The following PTPRS variants were observed in gnomAD, a reference collection of about 807,000 sequenced individuals.
PTPRS encodes the protein receptor-type tyrosine-protein phosphatase S.
In PTPRS, 63 loss-of-function variants were observed where a neutral mutation model predicts 215.3. The ratio of observed to expected loss-of-function variants is 0.29; its 90% CI spans 0.24 to 0.36. The LOEUF (loss-of-function observed/expected upper bound fraction) is 0.36, where lower values mean the gene tolerates loss of function less well. Among genes scored for constraint, PTPRS ranks in the 10% least tolerant of loss-of-function variants. PTPRS has a pLI of 1.00. For missense variants in PTPRS, 2,258 were observed against 2,825.8 expected, an observed-to-expected ratio of 0.80 and a Z score of 4.56; for synonymous variants, 1,404 against 1,191.4, an observed-to-expected ratio of 1.18 and a Z score of -3.68.
At chr19:5,324,552 A>G (rs1600127503) in intron 1 of PTPRS, among the ~76,000 whole-genome samples, 2 of 152,098 alleles carry the variant, frequency 1.3e-5, no homozygotes, top group African/African-American at 4.8e-5. Context: ...GGAGGAGGAG[A>G]GGAGAAGGAG....
At chr19:5,260,761 G>A in intron 7 of PTPRS, 44 bp downstream of exon 7, 7 of 1,611,848 alleles carry the variant, frequency 4.3e-6, no homozygotes, top group Non-Finnish European at 5.9e-6. Flanking sequence ...TGAGTGGGCA[G>A]CAAGAGCGAG....
At chr19:5,316,356 C>T (rs1275680450) in intron 1 of PTPRS, among the ~76,000 whole-genome samples, 2 of 152,192 alleles carry the variant, frequency 1.3e-5, no homozygotes, top group African/African-American at 4.8e-5. Flanking sequence ...TCCTGAATGC[C>T]TCTTGCCCCA....
intron 1 of PTPRS, among the ~76,000 whole-genome samples, chr19:5,334,865 G>A (rs892121078): frequency 1.3e-5 from 2 of 152,130 alleles, no homozygotes; most frequent in Non-Finnish European, 2.9e-5. Flanking sequence ...GACAGGGGAC[G>A]GCAGGTTGGA....
chr19:5,263,590 G>A lies in PTPRS; in HGVS notation c.569-618C>T, dbSNP rs550210552. Among the ~76,000 whole-genome samples the A allele has an allele frequency of 1.2e-3, 185 of 152,346 alleles. 1 individual carries two copies. Among genetic ancestry groups the A allele is most frequent in the African/African-American group, 3.9e-3 (163 of 41,576 alleles). ...GGGTGATCTCAACAGTGACCTGAACGAAGGCAGGGCGTCAAGCCCGGCACA... is the reference window on the plus strand; with the variant it reads ...GGGTGATCTCAACAGTGACCTGAACAAAGGCAGGGCGTCAAGCCCGGCACA... On this transcript the variant is annotated intron_variant, in intron 5 of 37. Coordinates refer to ENST00000262963, the MANE Select transcript of PTPRS (RefSeq NM_002850.4).
intron 16 of PTPRS, 151 bp from the exon 17 acceptor site, chr19:5,225,995 G>T: frequency 1.5e-6 from 1 of 663,078 alleles, no homozygotes; most frequent in Non-Finnish European, 2.7e-6. Context: ...ACCACGACAC[G>T]TGGCATGGCC....
At chr19:5,296,524 A>G (rs2049138184) in intron 1 of PTPRS, among the ~76,000 whole-genome samples, 1 of 151,980 alleles carries the variant, frequency 6.6e-6, no homozygotes, top group Admixed American at 6.6e-5. Context: ...AATAAAATAA[A>G]CACAGGATAG....
In PTPRS at chr19:5,208,242, G is replaced by C. The variant is rs1458294662; in HGVS notation, c.5637C>G (p.His1879Gln). 1 of 1,597,924 alleles carries C rather than the reference G, an allele frequency of 6.3e-7. No homozygotes were observed. Among genetic ancestry groups the C allele is most frequent in the African/African-American group, 1.3e-5 (1 of 74,716 alleles). The change falls in exon 36 of 38, where the codon CAC becomes CAG. Residue 1879 changes from histidine to glutamine, a missense_variant. By Grantham distance (24) the His-to-Gln change is conservative. This residue lies in a region of PTPRS where 89 missense variants were observed against 104.0 expected (regional missense o/e 0.86). Coordinates refer to ENST00000262963, the MANE Select transcript of PTPRS (RefSeq NM_002850.4). ...GGACACTCGAGGGAGCTCACCTGCA[G>C]TGGACAGAGATGGGGCCGTCCTGGC... ...QFGQDGPISV[H>Q]CSAGVGRTGV...
rs1600048473 is a variant in PTPRS at position 5,293,612 on chromosome 19, C to G, written c.-94-7378G>C. 6.6e-6 allele frequency among the ~76,000 whole-genome samples: 1 copy of G among 152,102 alleles called. No individual in the cohort carries two copies. The highest frequency in any genetic ancestry group is 1.9e-4 in the East Asian group (1 of 5,148). ...GGAGGCTGGATGCCGGACAGGGCGG[C>G]GGAGGGCTCCCCAAACACACCCAAC... On this transcript the variant is annotated intron_variant, in intron 1 of 37. Coordinates refer to ENST00000262963, the MANE Select transcript of PTPRS (RefSeq NM_002850.4). This position sits in a 1 kb window ranked among gnomAD's most constrained non-coding sequence, Gnocchi z 8.4.
chr19:5,282,475 T>C (rs1200234933), intron 2 of PTPRS, among the ~76,000 whole-genome samples: 1 of 152,144 alleles, frequency 6.6e-6, no homozygotes, highest in Non-Finnish European at 1.5e-5. Context: ...TGCTAAGCTT[T>C]ATGCCTGTGG....
At chr19:5,243,340 T>C (rs2044209324) in intron 11 of PTPRS, among the ~76,000 whole-genome samples, 1 of 151,784 alleles carries the variant, frequency 6.6e-6, no homozygotes, top group African/African-American at 2.4e-5. Flanking sequence ...TTCACGGTGT[T>C]GGCCAGGCTG....
chr19:5,249,500 T>G (rs1003610782), intron 9 of PTPRS, among the ~76,000 whole-genome samples: 14 of 152,150 alleles, frequency 9.2e-5, no homozygotes, highest in African/African-American at 2.7e-4. Flanking sequence ...AGAAAGGAAG[T>G]AGTGTAGCCA....
At chr19:5,228,361 A>AAAAAAAAAAAAAAAAAAG (rs1555757601) in intron 16 of PTPRS, among the ~76,000 whole-genome samples, 24 of 144,042 alleles carry the variant, frequency 1.7e-4, no homozygotes, top group African/African-American at 6.3e-4. Flanking sequence ...AAAAAAAAAA[A>AAAAAAAAAAAAAAAAAAG]AAGAGACAGG....
Position 5,212,416 on chromosome 19 carries a change from G to T in PTPRS, c.4690C>A (p.Pro1564Thr). Reference protein sequence around the residue: ...AWPDHGVPEYPTPFLAFLRRV... With the variant: ...AWPDHGVPEYTTPFLAFLRRV... ...CGCAGGAAAGCCAGGAAGGGCGTTG[G>T]GTATTCGGGCACGCCATGGTCCGGC... The change falls in exon 31 of 38, where the codon CCA becomes ACA. Residue 1564 changes from proline to threonine, a missense_variant. Around this residue, in one of 6 missense-constraint regions of PTPRS, gnomAD observed 927 missense variants for 1,125.9 expected, o/e 0.82. Coordinates refer to ENST00000262963, the MANE Select transcript of PTPRS (RefSeq NM_002850.4). 6.2e-7 allele frequency: 1 copy of T among 1,604,400 alleles called. No homozygotes were observed. The highest frequency in any genetic ancestry group is 8.5e-7 in the Non-Finnish European group (1 of 1,175,488).
At chr19:5,228,361 A>AAAAAAAAAAAAAAAAAAAAAAAAAG (rs1555757601) in intron 16 of PTPRS, among the ~76,000 whole-genome samples, 1 of 143,968 alleles carries the variant, frequency 6.9e-6, no homozygotes, top group African/African-American at 2.6e-5. Context: ...AAAAAAAAAA[A>AAAAAAAAAAAAAAAAAAAAAAAAAG]AAGAGACAGG....
chr19:5,299,836 C>T (rs2049249881), intron 1 of PTPRS, among the ~76,000 whole-genome samples: 1 of 152,096 alleles, frequency 6.6e-6, no homozygotes, highest in Non-Finnish European at 1.5e-5. Context: ...CGCCATTGCA[C>T]TCCAGCCTGG....
At position 5,238,937 on chromosome 19, in the gene PTPRS, G is replaced by C. The variant is rs1261679177; in HGVS notation, c.1831C>G (p.Gln611Glu). 2 of 1,609,218 alleles carry C rather than the reference G, an allele frequency of 1.2e-6. No individual in the cohort carries two copies. Among genetic ancestry groups the C allele is most frequent in the African/African-American group, 1.3e-5 (1 of 74,784 alleles). The change falls in exon 13 of 38, where the codon CAG (glutamine) becomes GAG (glutamate). Residue 611 changes from glutamine (Q) to glutamate (E), a missense_variant. Coordinates refer to ENST00000262963, the MANE Select transcript of PTPRS (RefSeq NM_002850.4). ...CACCTACTGGACTGCAGCGTGCGCTGCCGCACCACGGGGGTGAAGGCGCCC... is the reference window on the plus strand; with the variant it reads ...CACCTACTGGACTGCAGCGTGCGCTCCCGCACCACGGGGGTGAAGGCGCCC... ...GLGAFTPVVR[Q>E]RTLQSKPSAP...
intron 9 of PTPRS, among the ~76,000 whole-genome samples, chr19:5,248,248 T>C (rs2146041347): frequency 6.6e-6 from 1 of 151,790 alleles, no homozygotes; most frequent in Middle Eastern, 3.4e-3. Context: ...AGAAAAACGG[T>C]ATCGACGTCC....
At chr19:5,249,235 C>CG (rs889060509) in intron 9 of PTPRS, among the ~76,000 whole-genome samples, 4 of 152,136 alleles carry the variant, frequency 2.6e-5, no homozygotes, top group African/African-American at 9.7e-5. Context: ...TGCCGGAACC[C>CG]GGGAGGCAGA....
chr19:5,276,041 G>A (rs2047331593), intron 2 of PTPRS, among the ~76,000 whole-genome samples: 2 of 152,174 alleles, frequency 1.3e-5, no homozygotes, highest in African/African-American at 2.4e-5. Context: ...TACATGTGAG[G>A]AAACTGAGAC....
Sources: gnomAD v4.1 joint callset for allele counts (sites outside exome capture counted in the v4.1 genomes callset) on GRCh38, gnomAD v4.1.1 for gene constraint, gnomAD v4.1.1 regional missense constraint, Gnocchi (gnomAD v3.1) non-coding constraint, MANE v1.5 for transcripts, NCBI Gene and HGNC (gene_info 2026-07-23, HGNC 2026-07-21) for gene names.